Variants in IGSF11 observed in about 807,000 individuals in gnomAD.
IGSF11 encodes immunoglobulin superfamily member 11.
A neutral mutation model predicts 41.0 loss-of-function variants in IGSF11; 22 were observed. The observed-to-expected ratio is 0.54, with a 90% confidence interval of 0.38 to 0.77. The LOEUF is 0.77. Among genes scored for constraint, IGSF11 ranks in the 30% least tolerant of loss-of-function variants. The probability of loss-of-function intolerance (pLI) is 0.00; values close to 1 mark genes in which losing one functional copy is unlikely to be tolerated. For synonymous variants in IGSF11, 219 were observed against 201.3 expected (o/e 1.09, Z -0.74); for missense variants, 444 against 530.8 (o/e 0.84, Z 1.61).
At chr3:118,974,531 C>T (rs1933842006) in intron 1 of IGSF11, among the ~76,000 whole-genome samples, 1 of 152,182 alleles carries the variant, frequency 6.6e-6, no homozygotes, top group Admixed American at 6.5e-5. Context: ...ACGTGAGAGT[C>T]GAGTGGCACT....
At chr3:118,990,279 T>C (rs1003541565) in intron 1 of IGSF11, among the ~76,000 whole-genome samples, 1 of 152,210 alleles carries the variant, frequency 6.6e-6, no homozygotes, top group Non-Finnish European at 1.5e-5. Flanking sequence ...GTTGTGAACA[T>C]ACTGAAATAA....
intron 1 of IGSF11, among the ~76,000 whole-genome samples, chr3:119,101,696 T>C (rs1274135839): frequency 6.6e-6 from 1 of 152,254 alleles, no homozygotes; most frequent in African/African-American, 2.4e-5. Flanking sequence ...TTACAAATCA[T>C]GTTGCCATAA....
intron 1 of IGSF11, among the ~76,000 whole-genome samples, chr3:119,104,815 C>A (rs915499070): frequency 1.3e-5 from 2 of 152,094 alleles, no homozygotes; most frequent in African/African-American, 2.4e-5. Context: ...GCTGTTTATA[C>A]TTCTCCCATC....
chr3:118,906,424 A>T (rs1008992991), intron 4 of IGSF11, among the ~76,000 whole-genome samples: 1 of 152,164 alleles, frequency 6.6e-6, no homozygotes, highest in Admixed American at 6.5e-5. Flanking sequence ...GCAGATGGGG[A>T]GTCCCTGAGC....
At chr3:119,104,819 T>G (rs1050356980) in intron 1 of IGSF11, among the ~76,000 whole-genome samples, 1 of 152,112 alleles carries the variant, frequency 6.6e-6, no homozygotes, top group Non-Finnish European at 1.5e-5. Context: ...TTTATACTTC[T>G]CCCATCATAG....
At chr3:119,127,127 C>A (rs2077414752) in intron 1 of IGSF11, among the ~76,000 whole-genome samples, 2 of 151,892 alleles carry the variant, frequency 1.3e-5, no homozygotes, top group Non-Finnish European at 2.9e-5. Context: ...AAGCTAAGAA[C>A]CTTGATAAAA....
At chr3:118,946,340 A>C (rs925241572) in intron 1 of IGSF11, among the ~76,000 whole-genome samples, 2 of 152,074 alleles carry the variant, frequency 1.3e-5, no homozygotes, top group Middle Eastern at 3.4e-3. Context: ...CCACTAAAAC[A>C]CTAGGCTAGC....
chr3:118,955,219 T>TACACACACAC (rs34044399), intron 1 of IGSF11, among the ~76,000 whole-genome samples: 2 of 144,400 alleles, frequency 1.4e-5, no homozygotes, highest in African/African-American at 2.5e-5. Flanking sequence ...TATATGTACA[T>TACACACACAC]ACACACACAC....
At chr3:119,096,806 A>G (rs760551544) in intron 1 of IGSF11, among the ~76,000 whole-genome samples, 20 of 152,174 alleles carry the variant, frequency 1.3e-4, no homozygotes, top group Non-Finnish European at 2.9e-4. Context: ...TGCAGGCCCA[A>G]TTTCATCTTT....
At chr3:118,968,656 C>T (rs1242471128) in intron 1 of IGSF11, among the ~76,000 whole-genome samples, 2 of 152,166 alleles carry the variant, frequency 1.3e-5, no homozygotes, top group African/African-American at 2.4e-5. Context: ...TTTATCTCTT[C>T]GATAACTTTG....
At chr3:118,984,207 C>T (rs1935031395) in intron 1 of IGSF11, among the ~76,000 whole-genome samples, 1 of 150,158 alleles carries the variant, frequency 6.7e-6, no homozygotes, top group Non-Finnish European at 1.5e-5. Context: ...CTCTTTTTTA[C>T]ATCCTGCTGA....
At chr3:118,956,271 C>T (rs747038210) in intron 1 of IGSF11, among the ~76,000 whole-genome samples, 23 of 152,206 alleles carry the variant, frequency 1.5e-4, no homozygotes, top group Admixed American at 2.6e-4. Flanking sequence ...GGCTGTTTCA[C>T]TCTCTTATAA....
At chr3:118,977,422 A>T (rs1222620343) in intron 1 of IGSF11, among the ~76,000 whole-genome samples, 1 of 152,206 alleles carries the variant, frequency 6.6e-6, no homozygotes, top group Non-Finnish European at 1.5e-5. Context: ...TTCTTTAAAA[A>T]GACAATGTCC....
intron 4 of IGSF11, among the ~76,000 whole-genome samples, chr3:118,913,098 A>C (rs956731755): frequency 6.6e-6 from 1 of 152,118 alleles, no homozygotes; most frequent in African/African-American, 2.4e-5. Context: ...CTGGAAAAAT[A>C]AAAAACAAAA....
intron 1 of IGSF11, among the ~76,000 whole-genome samples, chr3:119,019,405 G>A (rs1939067110): frequency 6.8e-6 from 1 of 147,832 alleles, no homozygotes. Flanking sequence ...TGGGTGGCAG[G>A]GGTCAGGAAG....
chr3:119,108,558 T>C (rs1361038680), upstream of IGSF11, among the ~76,000 whole-genome samples: 1 of 144,742 alleles, frequency 6.9e-6, no homozygotes, highest in Non-Finnish European at 1.5e-5. Context: ...ACTTCCTCTT[T>C]TCCTAATTGA....
upstream of IGSF11, among the ~76,000 whole-genome samples, chr3:119,108,951 G>C (rs1410943061): frequency 7.8e-6 from 1 of 128,232 alleles, no homozygotes; most frequent in African/African-American, 2.7e-5. Context: ...ACTTGATCAT[G>C]GTGGATAAGC....
At chr3:119,049,253 T>C (rs1292648776) in intron 1 of IGSF11, among the ~76,000 whole-genome samples, 18 of 151,142 alleles carry the variant, frequency 1.2e-4, no homozygotes, top group East Asian at 3.9e-4. Flanking sequence ...AAAACCCCAT[T>C]GTCTCAGCCC....
At chr3:118,962,619 A>G (rs1945416220) in intron 1 of IGSF11, among the ~76,000 whole-genome samples, 2 of 152,184 alleles carry the variant, frequency 1.3e-5, no homozygotes, top group African/African-American at 4.8e-5. Flanking sequence ...GGTGAAAACG[A>G]CCAGTATGTA....
Sources: allele counts gnomAD v4.1 joint callset (sites outside exome capture counted in the v4.1 genomes callset), GRCh38; gene constraint gnomAD v4.1.1; transcripts MANE v1.5; gene names NCBI Gene and HGNC (gene_info 2026-07-23, HGNC 2026-07-21).